Variants in HK2 observed in about 807,000 individuals in gnomAD.
HK2 encodes the protein hexokinase 2.
Under a neutral mutation model 92.9 loss-of-function variants are expected in HK2, and 42 were observed. The ratio of observed to expected loss-of-function variants is 0.45; its 90% CI spans 0.35 to 0.58. The LOEUF (loss-of-function observed/expected upper bound fraction) is 0.58, where lower values mean the gene tolerates loss of function less well. HK2 is among the 20% of genes least tolerant of loss of function. The pLI is 0.00. For synonymous variants in HK2, 422 were observed against 468.0 expected (o/e 0.90, Z 1.27); for missense variants, 978 against 1,245.1 (o/e 0.79, Z 3.23).
chr2:74,840,938 C>G (rs1053755265), intron 1 of HK2, among the ~76,000 whole-genome samples: 1 of 150,524 alleles, frequency 6.6e-6, no homozygotes, highest in Non-Finnish European at 1.5e-5. Context: ...AATTAAATCC[C>G]CATAGCTCAC....
chr2:74,868,101 G>A (rs572688645), intron 3 of HK2, among the ~76,000 whole-genome samples: 107 of 152,200 alleles, frequency 7.0e-4, no homozygotes, highest in Non-Finnish European at 1.3e-3. Flanking sequence ...GTGGTCGGCT[G>A]TTCCCTCTCC....
rs746916892 is a variant in HK2 at position 74,880,308 on chromosome 2, G to A, written c.1309G>A (p.Gly437Ser). 15 of 1,614,034 alleles carry A rather than the reference G, an allele frequency of 9.3e-6. No individual in the cohort carries two copies. Among genetic ancestry groups the A allele is most frequent in the South Asian group, 5.5e-5 (5 of 91,082 alleles). The change falls in exon 10 of 18, where the codon GGC (glycine) becomes AGC (serine). Residue 437 changes from glycine (G) to serine (S), a missense_variant. Around this residue, in one of 3 missense-constraint regions of HK2, gnomAD observed 742 missense variants for 922.5 expected, o/e 0.80. Transcript: ENST00000290573. ...LHKTVRRLVP[G>S]CDVRFLRSED... Reference sequence around the variant, plus strand: ...TAAGACCGTGCGGCGGCTGGTGCCCGGCTGCGATGTCCGCTTCCTCCGCTC... The same window carrying A: ...TAAGACCGTGCGGCGGCTGGTGCCCAGCTGCGATGTCCGCTTCCTCCGCTC...
At chr2:74,887,796 C>T (rs1352890058) in intron 15 of HK2, 107 bp from the exon 16 acceptor site, 2 of 991,296 alleles carry the variant, frequency 2.0e-6, no homozygotes, top group African/African-American at 1.6e-5. Flanking sequence ...GGGAGTCTGC[C>T]TGTCTGCCAC....
chr2:74,864,380 C>T (rs1448717850), intron 2 of HK2, among the ~76,000 whole-genome samples: 1 of 152,228 alleles, frequency 6.6e-6, no homozygotes, highest in Admixed American at 6.5e-5. Flanking sequence ...CTCTGTCCTG[C>T]CTTACTGGAC....
At chr2:74,844,538 G>T (rs780079321) in intron 1 of HK2, among the ~76,000 whole-genome samples, 3 of 152,230 alleles carry the variant, frequency 2.0e-5, no homozygotes, top group Non-Finnish European at 4.4e-5. Context: ...TGTGGTGGGT[G>T]TGATCTTGGG....
chr2:74,840,701 A>C (rs1219134279), intron 1 of HK2, among the ~76,000 whole-genome samples: 1 of 94,886 alleles, frequency 1.1e-5, no homozygotes, highest in Non-Finnish European at 2.2e-5. Context: ...CCCCGTCTCT[A>C]CTAAAAATAC....
At chr2:74,844,673 C>T (rs1402848669) in intron 1 of HK2, among the ~76,000 whole-genome samples, 1 of 152,152 alleles carries the variant, frequency 6.6e-6, no homozygotes, top group Non-Finnish European at 1.5e-5. Flanking sequence ...AGATTCTGGT[C>T]CCTGGCCTGG....
In HK2 at chr2:74,867,618, C is replaced by G. The variant is rs1298557311; in HGVS notation, c.227-18C>G. 6.2e-7 allele frequency: 1 copy of G among 1,612,066 alleles called. No individual in the cohort carries two copies. The highest frequency in any genetic ancestry group is 1.3e-5 in the African/African-American group (1 of 74,808). ...GAATTTTGCCCAAAATTAATAGTGG[C>G]CCTTCCTTTCTCTGCAGAACACGGA... On this transcript the variant is annotated intron_variant, in intron 2 of 17. Transcript: ENST00000290573.
intron 1 of HK2, among the ~76,000 whole-genome samples, chr2:74,846,611 G>A (rs1688446208): frequency 3.3e-5 from 5 of 152,182 alleles, no homozygotes; most frequent in Admixed American, 3.3e-4. Flanking sequence ...TGTAGTGGTA[G>A]GTGGTGCATT....
At chr2:74,851,174 G>A (rs1688558255) in intron 1 of HK2, among the ~76,000 whole-genome samples, 1 of 152,238 alleles carries the variant, frequency 6.6e-6, no homozygotes, top group Non-Finnish European at 1.5e-5. Context: ...TGGCAGTGGG[G>A]CCAGACAGAC....
chr2:74,886,227 T>A, intron 13 of HK2, 67 bp from the exon 14 acceptor site: 1 of 1,095,820 alleles, frequency 9.1e-7, no homozygotes, highest in Non-Finnish European at 1.4e-6. Context: ...AAATCTCCCA[T>A]GCAATTGTCT....
intron 9 of HK2, among the ~76,000 whole-genome samples, chr2:74,879,842 G>C (rs537173921): frequency 6.6e-6 from 1 of 152,220 alleles, no homozygotes; most frequent in African/African-American, 2.4e-5. Flanking sequence ...GTCTTTCCCA[G>C]ACAGCAGCTA....
intron 2 of HK2, among the ~76,000 whole-genome samples, chr2:74,865,767 C>G (rs1448069632): frequency 3.9e-5 from 6 of 152,090 alleles, no homozygotes; most frequent in African/African-American, 1.5e-4. Flanking sequence ...TTTTCTTGGA[C>G]AGGTTTCTGC....
At chr2:74,859,486 A>G (rs1390248940) in intron 2 of HK2, among the ~76,000 whole-genome samples, 2 of 152,208 alleles carry the variant, frequency 1.3e-5, no homozygotes, top group Non-Finnish European at 2.9e-5. Flanking sequence ...GGAGATCGAG[A>G]TCATCCTGGC....
At chr2:74,858,934 A>G (rs569350628) in intron 2 of HK2, among the ~76,000 whole-genome samples, 40 of 152,370 alleles carry the variant, frequency 2.6e-4, no homozygotes, top group African/African-American at 9.4e-4. Context: ...TGTGCTTCAT[A>G]GGTTGTGTGG....
intron 1 of HK2, among the ~76,000 whole-genome samples, chr2:74,844,332 T>C (rs888789930): frequency 6.6e-6 from 1 of 152,208 alleles, no homozygotes; most frequent in Admixed American, 6.5e-5. Flanking sequence ...TTGTGCAGCA[T>C]GAACTCTTAT....
chr2:74,839,720 C>G (rs1688257281), intron 1 of HK2, among the ~76,000 whole-genome samples: 1 of 150,404 alleles, frequency 6.6e-6, no homozygotes, highest in South Asian at 2.1e-4. Flanking sequence ...TGCAGTGGCA[C>G]AATCTTGGCT....
chr2:74,878,623 C>G (rs1689297512), intron 8 of HK2, 65 bp from the exon 9 acceptor site: 3 of 1,315,074 alleles, frequency 2.3e-6, no homozygotes, highest in South Asian at 1.3e-5. Context: ...CTTGCCACCC[C>G]CCGACACACA....
intron 1 of HK2, among the ~76,000 whole-genome samples, chr2:74,842,273 C>T (rs770282084): frequency 6.6e-5 from 10 of 152,102 alleles, no homozygotes; most frequent in Non-Finnish European, 8.8e-5. Context: ...AAAAGTGATA[C>T]GCATTCAGTA....
Sources: gnomAD v4.1 joint callset for allele counts (sites outside exome capture counted in the v4.1 genomes callset) on GRCh38, gnomAD v4.1.1 for gene constraint, gnomAD v4.1.1 regional missense constraint, MANE v1.5 for transcripts, NCBI Gene and HGNC (gene_info 2026-07-23, HGNC 2026-07-21) for gene names.